Variants in TSPAN19 observed in about 807,000 individuals in gnomAD.
TSPAN19 encodes tetraspanin 19, also known as tetraspanin-19.
Under a neutral mutation model 35.1 loss-of-function variants are expected in TSPAN19, and 44 were observed. The ratio of observed to expected loss-of-function variants is 1.25; its 90% CI spans 0.98 to 1.61. The LOEUF (loss-of-function observed/expected upper bound fraction) is 1.61, where lower values mean the gene tolerates loss of function less well. Ranked by LOEUF, TSPAN19 falls within the 40% of genes most tolerant of loss-of-function variation. TSPAN19 has a pLI of 0.00. For synonymous variants in TSPAN19, 79 were observed against 92.0 expected (o/e 0.86, Z 0.81); for missense variants, 290 against 280.0 (o/e 1.04, Z -0.26).
intron 1 of TSPAN19, among the ~76,000 whole-genome samples, chr12:85,035,460 G>C (rs1877932241): frequency 6.6e-6 from 1 of 152,042 alleles, no homozygotes; most frequent in South Asian, 2.1e-4. Flanking sequence ...CTTTTAATAT[G>C]AGAAATCTAT....
chr12:85,015,801 A>G, intron 8 of TSPAN19, 87 bp downstream of exon 8: 2 of 925,760 alleles, frequency 2.2e-6, no homozygotes, highest in Non-Finnish European at 3.2e-6. Flanking sequence ...AACTTATCTG[A>G]TTAGGTCTCC....
intron 5 of TSPAN19, among the ~76,000 whole-genome samples, chr12:85,022,829 T>G (rs1435174921): frequency 6.6e-6 from 1 of 152,158 alleles, no homozygotes; most frequent in African/African-American, 2.4e-5. Flanking sequence ...TTTTTTGAAC[T>G]AAATTTGATA....
At chr12:85,030,192 T>C (rs1877616413) in intron 1 of TSPAN19, among the ~76,000 whole-genome samples, 1 of 152,156 alleles carries the variant, frequency 6.6e-6, no homozygotes, top group Admixed American at 6.6e-5. Flanking sequence ...ATAATAAATA[T>C]ATATCTGCAA....
At chr12:85,017,020 T>C (rs746214479) in intron 7 of TSPAN19, 1 of 159,040 alleles carries the variant, frequency 6.3e-6, no homozygotes, top group Non-Finnish European at 1.4e-5. Context: ...AACCCTTTAC[T>C]CTTGCTTCTG....
At chr12:85,027,801 C>T (rs1187511865) in intron 4 of TSPAN19, 98 bp downstream of exon 4, 7 of 1,196,096 alleles carry the variant, frequency 5.9e-6, no homozygotes, top group Non-Finnish European at 8.1e-6. Flanking sequence ...ACATACTCTA[C>T]TGCAGTGCCA....
chr12:85,018,855 T>C (rs1011535507), intron 6 of TSPAN19, among the ~76,000 whole-genome samples: 4 of 151,850 alleles, frequency 2.6e-5, no homozygotes, highest in African/African-American at 9.7e-5. Flanking sequence ...GTTATAGGGT[T>C]GGGAGGACTG....
intron 5 of TSPAN19, among the ~76,000 whole-genome samples, chr12:85,022,088 A>T (rs142626652): frequency 6.6e-6 from 1 of 152,092 alleles, no homozygotes; most frequent in Non-Finnish European, 1.5e-5. Context: ...CTTATGTGTC[A>T]TATTTATGTT....
At chr12:85,015,837 G>C (rs1876760273) in intron 8 of TSPAN19, 51 bp downstream of exon 8, 33 of 1,346,924 alleles carry the variant, frequency 2.5e-5, no homozygotes, top group Non-Finnish European at 3.4e-5. Flanking sequence ...AGTCTATTCT[G>C]TATAGCTTAT....
intron 4 of TSPAN19, 37 bp from the exon 5 acceptor site, chr12:85,023,437 A>G: frequency 6.8e-7 from 1 of 1,469,584 alleles, no homozygotes; most frequent in Non-Finnish European, 9.3e-7. Context: ...TGACTATGCT[A>G]CTAATATATG....
intron 6 of TSPAN19, among the ~76,000 whole-genome samples, chr12:85,017,946 C>T (rs1412782892): frequency 6.6e-6 from 1 of 151,764 alleles, no homozygotes; most frequent in Admixed American, 6.6e-5. Context: ...ATATCTTGCT[C>T]CCAACTGTAG....
Position 85,017,502 on chromosome 12 carries a change from A to C in TSPAN19, c.548T>G (p.Leu183Ter). Residue 183 changes from leucine (L) to a stop codon, truncating the protein, a stop_gained, in exon 7 of 9, where the codon TTA (leucine) becomes TGA (stop). Coordinates refer to ENST00000532498, the MANE Select transcript of TSPAN19 (RefSeq NM_001100917.2). LOFTEE classifies it high-confidence loss of function. ...TGGCTCATCACAAAACCATTTTCTTAAAGTTGACTTTGTGCAAGAACATGG... is the reference window on the plus strand; with the variant it reads ...TGGCTCATCACAAAACCATTTTCTTCAAGTTGACTTTGTGCAAGAACATGG... ...QVPCSCTKST[L>*]RKWFCDEPLN... 6.2e-7 allele frequency: 1 copy of C among 1,608,288 alleles called. No homozygotes were observed. The highest frequency in any genetic ancestry group is 8.5e-7 in the Non-Finnish European group (1 of 1,176,930).
chr12:85,019,838 T>C, intron 5 of TSPAN19, 102 bp from the exon 6 acceptor site: 1 of 569,160 alleles, frequency 1.8e-6, no homozygotes, highest in East Asian at 3.1e-5. Context: ...GAAAAGAATA[T>C]TCAATATTAT....
chr12:85,022,697 C>T lies in TSPAN19; in HGVS notation c.339+629G>A, dbSNP rs544948809. Among the ~76,000 whole-genome samples, 4 of 152,106 alleles carry T rather than the reference C, an allele frequency of 2.6e-5. No individual in the cohort carries two copies. In the East Asian group the frequency reaches 7.7e-4, roughly 29 times the overall value. On this transcript the variant is annotated intron_variant, in intron 5 of 8. Coordinates refer to ENST00000532498, the MANE Select transcript of TSPAN19 (RefSeq NM_001100917.2). ...TTTTACTATAGGACAATTAATCTTCCGTGATATAAGACAGACCTTGACTGA... is the reference window on the plus strand; with the variant it reads ...TTTTACTATAGGACAATTAATCTTCTGTGATATAAGACAGACCTTGACTGA...
chr12:85,022,355 T>C lies in TSPAN19; in HGVS notation c.339+971A>G, dbSNP rs573452608. ...ATGAAGTTGGAGGGCAATGGTATCA[T>C]ACAGAAAAGATTGTTTTTGAACTTT... is the stretch of plus-strand genomic sequence containing the variant. On this transcript the variant is annotated intron_variant, in intron 5 of 8. Transcript: ENST00000532498. 2.0e-5 allele frequency among the ~76,000 whole-genome samples: 3 copies of C among 152,230 alleles called. No individual in the cohort carries two copies. In the East Asian group the frequency reaches 5.8e-4, roughly 29 times the overall value.
chr12:85,019,177 G>C (rs182497557), intron 6 of TSPAN19, among the ~76,000 whole-genome samples: 74 of 151,998 alleles, frequency 4.9e-4, no homozygotes, highest in Non-Finnish European at 1.3e-4. Flanking sequence ...GCCAACCAGA[G>C]TTAGAGGTTA....
intron 1 of TSPAN19, among the ~76,000 whole-genome samples, chr12:85,035,453 T>C (rs1877931655): frequency 6.6e-6 from 1 of 152,168 alleles, no homozygotes; most frequent in African/African-American, 2.4e-5. Flanking sequence ...ATGTGTGCTT[T>C]TAATATGAGA....
At chr12:85,019,851 T>G (rs1877026852) in intron 5 of TSPAN19, 115 bp from the exon 6 acceptor site, 1 of 556,400 alleles carries the variant, frequency 1.8e-6, no homozygotes, top group African/African-American at 1.9e-5. Flanking sequence ...AATATTATTT[T>G]TCTGTTTTCT....
At chr12:85,027,106 C>G (rs1451849503) in intron 4 of TSPAN19, among the ~76,000 whole-genome samples, 2 of 152,088 alleles carry the variant, frequency 1.3e-5, no homozygotes, top group East Asian at 3.9e-4. Context: ...GGCTCATGTC[C>G]AAGTCAGTAC....
intron 1 of TSPAN19, chr12:85,035,163 C>A (rs773315101): frequency 6.6e-6 from 1 of 151,882 alleles, no homozygotes; most frequent in Non-Finnish European, 1.5e-5. Context: ...GAGGCCAAGG[C>A]GGGAGGATTA....
Sources: allele counts gnomAD v4.1 joint callset (sites outside exome capture counted in the v4.1 genomes callset), GRCh38; gene constraint gnomAD v4.1.1; transcripts MANE v1.5; gene names NCBI Gene and HGNC (gene_info 2026-07-23, HGNC 2026-07-21).